The following ITPR1 variants were observed in gnomAD, a reference collection of about 807,000 sequenced individuals.
The protein encoded by ITPR1 is inositol 1,4,5-trisphosphate receptor type 1, also known as inositol 1,4,5-trisphosphate-gated calcium channel ITPR1.
A neutral mutation model predicts 318.4 loss-of-function variants in ITPR1; 96 were observed. The observed-to-expected ratio is 0.30, with a 90% confidence interval of 0.26 to 0.36. ITPR1 has a LOEUF of 0.36. Ranked by LOEUF, ITPR1 falls within the 10% of genes least tolerant of loss-of-function variation. The pLI is 1.00. For missense variants in ITPR1, 2,440 were observed against 3,460.2 expected (o/e 0.71, Z 7.40); for synonymous variants, 1,312 against 1,289.9 (o/e 1.02, Z -0.37).
chr3:4,596,150 G>C (rs1042284375), intron 4 of ITPR1: 2 of 152,144 alleles, frequency 1.3e-5, no homozygotes, highest in African/African-American at 2.4e-5. Context: ...GCATTTCACC[G>C]AGCTTAAGTT....
chr3:4,673,138 A>G lies in ITPR1; in HGVS notation c.2207A>G (p.Tyr736Cys). Residue 736 changes from tyrosine (Y) to cysteine (C), a missense_variant and splice_region_variant, in exon 21 of 62, where the codon TAT (tyrosine) becomes TGT (cysteine). Physicochemically the swap from Tyr to Cys is radical, Grantham distance 194. Coordinates refer to ENST00000649015, the MANE Select transcript of ITPR1 (RefSeq NM_001378452.1). ...EDRDVLSYYR[Y>C]QLNLFARMCL... ...TGTGCCCTTGTTCCTTCCTCTAGAT[A>G]TCAGCTGAACCTCTTTGCGAGGATG... 1 of 1,612,714 alleles carries G rather than the reference A, an allele frequency of 6.2e-7. No individual in the cohort carries two copies. The highest frequency in any genetic ancestry group is 8.5e-7 in the Non-Finnish European group (1 of 1,178,922).
At chr3:4,727,528 G>A (rs1214698796) in intron 42 of ITPR1, among the ~76,000 whole-genome samples, 6 of 152,026 alleles carry the variant, frequency 3.9e-5, no homozygotes, top group East Asian at 1.9e-4. Context: ...ATGGAAAAAC[G>A]TTCATAATTA....
In ITPR1 at chr3:4,846,071, T is replaced by C; in HGVS notation, c.8191-68T>C. On this transcript the variant is annotated intron_variant, in intron 61 of 61. Coordinates refer to ENST00000649015, the MANE Select transcript of ITPR1 (RefSeq NM_001378452.1). ...AACCATAACCACAGAGGTAAATCTA[T>C]GGTTCAGTATGCGATTTGACGTACA... 2 of 882,684 alleles carry C rather than the reference T, an allele frequency of 2.3e-6. 1 individual carries two copies. Among genetic ancestry groups the C allele is most frequent in the Middle Eastern group, 4.4e-4 (2 of 4,500 alleles). 54.7% of individuals were successfully genotyped at this position (882,684 alleles called of 1,614,324 possible).
At chr3:4,741,916 G>C (rs2043734872) in intron 44 of ITPR1, among the ~76,000 whole-genome samples, 1 of 152,190 alleles carries the variant, frequency 6.6e-6, no homozygotes, top group African/African-American at 2.4e-5. Context: ...GGAAAGGAGT[G>C]AAGCCAGCAG....
chr3:4,630,592 A>ATTC (rs1353476003), intron 5 of ITPR1, among the ~76,000 whole-genome samples: 1 of 145,166 alleles, frequency 6.9e-6, no homozygotes, highest in Non-Finnish European at 1.5e-5. Flanking sequence ...TATTATTATT[A>ATTC]TTATTATTTT....
chr3:4,792,457 G>A (rs957405848), intron 52 of ITPR1, among the ~76,000 whole-genome samples: 16 of 152,198 alleles, frequency 1.1e-4, no homozygotes, highest in African/African-American at 3.6e-4. Context: ...TCAGGAACTT[G>A]GGAGTGGCTC....
At chr3:4,786,491 A>G (rs1575243040) in intron 51 of ITPR1, among the ~76,000 whole-genome samples, 1 of 152,322 alleles carries the variant, frequency 6.6e-6, no homozygotes, top group East Asian at 1.9e-4. Flanking sequence ...GTATCAGGGA[A>G]CAAAGGTTTT....
intron 52 of ITPR1, among the ~76,000 whole-genome samples, chr3:4,793,109 G>A (rs2047675179): frequency 6.6e-6 from 1 of 152,128 alleles, no homozygotes; most frequent in Admixed American, 6.5e-5. Context: ...TCTTGCACCT[G>A]GATAAATACC....
chr3:4,769,189 C>T (rs189983228), intron 46 of ITPR1, among the ~76,000 whole-genome samples: 103 of 152,238 alleles, frequency 6.8e-4, no homozygotes, highest in Middle Eastern at 6.8e-3. Context: ...CATGAGCCAC[C>T]GAGCCACCGA....
chr3:4,721,303 G>C (rs2042150129), intron 40 of ITPR1, among the ~76,000 whole-genome samples: 1 of 151,608 alleles, frequency 6.6e-6, no homozygotes, highest in African/African-American at 2.4e-5. Context: ...GTTCTGATGA[G>C]CTTGTCCTAT....
chr3:4,510,257 G>T (rs1040515068), intron 2 of ITPR1, among the ~76,000 whole-genome samples: 1 of 152,206 alleles, frequency 6.6e-6, no homozygotes, highest in African/African-American at 2.4e-5. Flanking sequence ...GGAGTATGGA[G>T]AGCAGGGCTC....
intron 13 of ITPR1, among the ~76,000 whole-genome samples, chr3:4,659,834 A>C (rs769240115): frequency 2.0e-5 from 3 of 152,216 alleles, no homozygotes; most frequent in Non-Finnish European, 4.4e-5. Context: ...ATAGGTATTC[A>C]TATGTAATAT....
At chr3:4,834,350 A>G (rs2050732906) in intron 60 of ITPR1, among the ~76,000 whole-genome samples, 1 of 152,162 alleles carries the variant, frequency 6.6e-6, no homozygotes, top group Admixed American at 6.5e-5. Flanking sequence ...TAGTATCCTC[A>G]ACATTGTTGT....
chr3:4,814,600 C>T (rs529123491), intron 58 of ITPR1, 38 bp downstream of exon 58: 28 of 515,072 alleles, frequency 5.4e-5, no homozygotes, highest in African/African-American at 1.3e-4. Flanking sequence ...GCAAAGGGGG[C>T]GGGTGGGGTG....
chr3:4,798,759 C>A (rs2048043430), intron 53 of ITPR1, among the ~76,000 whole-genome samples: 1 of 152,144 alleles, frequency 6.6e-6, no homozygotes, highest in African/African-American at 2.4e-5. Flanking sequence ...ATAAAAAGTA[C>A]AAAGTATCAA....
chr3:4,761,508 C>G (rs1176596734), intron 44 of ITPR1, among the ~76,000 whole-genome samples: 1 of 152,208 alleles, frequency 6.6e-6, no homozygotes, highest in East Asian at 1.9e-4. Context: ...ACGCAGCCCA[C>G]TGTTGATGGG....
At chr3:4,665,377 C>A in intron 17 of ITPR1, 81 bp downstream of exon 17, 2 of 1,307,346 alleles carry the variant, frequency 1.5e-6, no homozygotes, top group Non-Finnish European at 2.1e-6. Flanking sequence ...TTTTTAGTGT[C>A]ACATGTCTAT....
intron 2 of ITPR1, among the ~76,000 whole-genome samples, chr3:4,497,181 G>A (rs1197207711): frequency 6.6e-6 from 1 of 152,020 alleles, no homozygotes; most frequent in Non-Finnish European, 1.5e-5. Context: ...AATTCTCTTG[G>A]TTTCTGTGGT....
At chr3:4,691,885 C>T (rs2094484782) in intron 32 of ITPR1, among the ~76,000 whole-genome samples, 1 of 152,200 alleles carries the variant, frequency 6.6e-6, no homozygotes, top group South Asian at 2.1e-4. Context: ...AACGTGGTGG[C>T]TCATGCCTGT....
Sources: gnomAD v4.1 joint callset for allele counts (sites outside exome capture counted in the v4.1 genomes callset) on GRCh38, gnomAD v4.1.1 for gene constraint, MANE v1.5 for transcripts, NCBI Gene and HGNC (gene_info 2026-07-23, HGNC 2026-07-21) for gene names.